Variants in PPM1L observed in about 807,000 individuals in gnomAD.
PPM1L encodes the protein protein phosphatase 1L.
In PPM1L, 13 loss-of-function variants were observed where a neutral mutation model predicts 31.4. That is an observed-to-expected ratio of 0.41 (90% CI 0.27 to 0.66). The LOEUF (loss-of-function observed/expected upper bound fraction) is 0.66, where lower values mean the gene tolerates loss of function less well. PPM1L is among the 30% of genes least tolerant of loss of function. The probability of loss-of-function intolerance (pLI) is 0.29; values close to 1 mark genes in which losing one functional copy is unlikely to be tolerated. For synonymous variants in PPM1L, 184 were observed against 175.4 expected (o/e 1.05, Z -0.39); for missense variants, 326 against 453.7 (o/e 0.72, Z 2.56).
At chr3:160,944,491 A>G (rs1436312506) in intron 1 of PPM1L, among the ~76,000 whole-genome samples, 1 of 150,354 alleles carries the variant, frequency 6.7e-6, no homozygotes, top group Non-Finnish European at 1.5e-5. Flanking sequence ...CTAAAAGACT[A>G]CAATTTCTAA....
At position 160,895,481 on chromosome 3, in the gene PPM1L, G is replaced by A. The variant is rs145656464; in HGVS notation, c.400-66255G>A. On this transcript the variant is annotated intron_variant, in intron 1 of 3. Transcript: ENST00000498165. ...AATCCTCCCACCTTGGCCTCCCAAA[G>A]TAATGGGATTACAGGCATGAACCAC... Among the ~76,000 whole-genome samples the A allele has an allele frequency of 5.8e-4, 89 of 152,270 alleles. 1 individual carries two copies. The East Asian group carries it at 0.016, about 27-fold the overall frequency.
In PPM1L at chr3:160,783,338, G is replaced by A. The variant is rs185366944; in HGVS notation, c.399+26631G>A. On this transcript the variant is annotated intron_variant, in intron 1 of 3. Transcript: ENST00000498165. ...ATGGAGGCTGGGTGCGGTGGCTCAC[G>A]CCTGTAATCCCAGCATTTTGGGAAG... 9.9e-4 allele frequency among the ~76,000 whole-genome samples: 151 copies of A among 152,252 alleles called. 3 individuals carry two copies. The highest frequency in any genetic ancestry group is 3.4e-3 in the African/African-American group (142 of 41,546).
chr3:160,908,188 G>T (rs945797642), intron 1 of PPM1L, among the ~76,000 whole-genome samples: 10 of 152,134 alleles, frequency 6.6e-5, no homozygotes, highest in Non-Finnish European at 1.3e-4. Flanking sequence ...CCCCATAATG[G>T]TTACAATCAA....
intron 1 of PPM1L, among the ~76,000 whole-genome samples, chr3:160,911,435 T>C (rs1412873033): frequency 2.6e-5 from 4 of 152,224 alleles, no homozygotes; most frequent in Non-Finnish European, 5.9e-5. Context: ...ATGCACCTTC[T>C]TCCTTGTGCT....
intron 1 of PPM1L, among the ~76,000 whole-genome samples, chr3:160,903,194 G>GTGTGTGT (rs1553819647): frequency 0.014 from 1,333 of 95,518 alleles, 18 homozygotes; most frequent in African/African-American, 0.02. Context: ...TGTGTGTGTG[G>GTGTGTGT]TATGTGTGTA....
At chr3:160,979,782 C>T (rs1716734927) in intron 2 of PPM1L, among the ~76,000 whole-genome samples, 2 of 152,042 alleles carry the variant, frequency 1.3e-5, no homozygotes, top group East Asian at 1.9e-4. Context: ...CTTCCTAATC[C>T]ATTTCCCTTA....
chr3:160,943,150 A>T (rs777967096), intron 1 of PPM1L, among the ~76,000 whole-genome samples: 8 of 152,192 alleles, frequency 5.3e-5, no homozygotes, highest in Non-Finnish European at 1.0e-4. Context: ...ATGGAGGAGA[A>T]CCAAGAGCTT....
chr3:160,934,195 G>A (rs927245217), intron 1 of PPM1L, among the ~76,000 whole-genome samples: 7 of 152,224 alleles, frequency 4.6e-5, no homozygotes, highest in Non-Finnish European at 8.8e-5. Flanking sequence ...GCTGATATTA[G>A]TGTAAAACAC....
At chr3:160,808,429 T>C (rs1712706067) in intron 1 of PPM1L, among the ~76,000 whole-genome samples, 1 of 130,004 alleles carries the variant, frequency 7.7e-6, no homozygotes, top group Non-Finnish European at 1.6e-5. Flanking sequence ...GTGTGGTGGG[T>C]GAGGGAAGCT....
intron 2 of PPM1L, among the ~76,000 whole-genome samples, chr3:161,013,183 A>G (rs1717955205): frequency 1.3e-5 from 2 of 152,268 alleles, no homozygotes; most frequent in Admixed American, 1.3e-4. Context: ...TTCCCTCTAC[A>G]CACTGTTTTA....
intron 2 of PPM1L, among the ~76,000 whole-genome samples, chr3:160,975,348 C>T (rs934119531): frequency 7.2e-5 from 11 of 151,864 alleles, no homozygotes; most frequent in Admixed American, 4.6e-4. Flanking sequence ...ATTGACTTGG[C>T]GATGCGGGCT....
chr3:160,853,266 C>T (rs974398282), intron 1 of PPM1L, among the ~76,000 whole-genome samples: 10 of 152,092 alleles, frequency 6.6e-5, no homozygotes, highest in South Asian at 2.1e-4. Context: ...AGGACATATA[C>T]GTAATTGTTT....
intron 1 of PPM1L, among the ~76,000 whole-genome samples, chr3:160,789,825 G>C: frequency 6.6e-6 from 1 of 151,954 alleles, no homozygotes; most frequent in East Asian, 1.9e-4. Context: ...TGTGTGTATA[G>C]TCTTCCCTTG....
chr3:160,779,403 GTCT>G (rs1711671692), intron 1 of PPM1L, among the ~76,000 whole-genome samples: 1 of 152,148 alleles, frequency 6.6e-6, no homozygotes, highest in Admixed American at 6.5e-5. Flanking sequence ...TGAACTTAGT[GTCT>G]TCTTCTTTGC....
intron 1 of PPM1L, among the ~76,000 whole-genome samples, chr3:160,842,853 G>A (rs890762228): frequency 3.3e-5 from 5 of 152,110 alleles, no homozygotes; most frequent in African/African-American, 1.2e-4. Flanking sequence ...TCTAAATTAA[G>A]CACTTTGAGA....
intron 1 of PPM1L, among the ~76,000 whole-genome samples, chr3:160,774,055 C>T (rs1334187104): frequency 6.6e-6 from 1 of 152,200 alleles, no homozygotes; most frequent in Non-Finnish European, 1.5e-5. Flanking sequence ...TTATAGCCCA[C>T]ATCTTTACAT....
At chr3:160,771,386 C>T (rs80118461) in intron 1 of PPM1L, among the ~76,000 whole-genome samples, 5,854 of 151,562 alleles carry the variant, frequency 0.039, 147 homozygotes, top group South Asian at 0.063. Flanking sequence ...CCTCCTGACA[C>T]ACAACCACAC....
intron 1 of PPM1L, among the ~76,000 whole-genome samples, chr3:160,946,030 A>G (rs926735542): frequency 8.5e-5 from 13 of 152,128 alleles, no homozygotes; most frequent in African/African-American, 3.1e-4. Context: ...TGGGGGAATC[A>G]AAAGTTATTT....
At chr3:160,893,373 C>A (rs1713219545) in intron 1 of PPM1L, among the ~76,000 whole-genome samples, 1 of 152,144 alleles carries the variant, frequency 6.6e-6, no homozygotes, top group Admixed American at 6.5e-5. Flanking sequence ...TGAACATCTT[C>A]CCTCCAGCTG....
Sources: allele counts gnomAD v4.1 joint callset (sites outside exome capture counted in the v4.1 genomes callset), GRCh38; gene constraint gnomAD v4.1.1; transcripts MANE v1.5; gene names NCBI Gene and HGNC (gene_info 2026-07-23, HGNC 2026-07-21).